MRPL43: variants seen among roughly 807,000 people sequenced by gnomAD.
MRPL43 encodes the protein large ribosomal subunit protein mL43.
Under a neutral mutation model 12.7 loss-of-function variants are expected in MRPL43, and 9 were observed. The observed-to-expected ratio is 0.71, with a 90% CI of 0.43 to 1.24. The LOEUF is 1.24. Among genes scored for constraint, MRPL43 ranks in the 50% most tolerant of loss-of-function variants. The pLI is 0.00. For missense variants in MRPL43, 211 were observed against 229.2 expected, an observed-to-expected ratio of 0.92 and a Z score of 0.51; for synonymous variants, 116 against 96.4, an observed-to-expected ratio of 1.20 and a Z score of -1.19.
chr10:100,984,965 A>G, downstream of MRPL43: 1 of 1,400,242 alleles, frequency 7.1e-7, no homozygotes, highest in South Asian at 1.5e-5. Context: ...ACATGTGCTT[A>G]CATTTCCACT....
At chr10:100,983,433 C>A (rs1355476316), downstream of MRPL43, 3 of 1,613,684 alleles carry the variant, frequency 1.9e-6, no homozygotes, top group Non-Finnish European at 2.5e-6. Flanking sequence ...GAGCGATGGG[C>A]AGGGTGGCTA....
chr10:100,983,800 C>G (rs1228303776), downstream of MRPL43: 1 of 1,605,624 alleles, frequency 6.2e-7, no homozygotes, highest in Non-Finnish European at 8.5e-7. Flanking sequence ...CAACTGCAGA[C>G]AGTCTCAGGC....
downstream of MRPL43, chr10:100,978,726 C>T (rs558479931): frequency 1.7e-5 from 27 of 1,555,464 alleles, 3 homozygotes; most frequent in Admixed American, 2.3e-4. Flanking sequence ...ACCCCACCCC[C>T]AAATCCCCAG....
At chr10:100,984,364 G>T, downstream of MRPL43, 1 of 1,444,854 alleles carries the variant, frequency 6.9e-7, no homozygotes, top group Non-Finnish European at 9.1e-7. Context: ...AGAGGTAGGT[G>T]CTCCCTCAGG....
downstream of MRPL43, chr10:100,979,868 C>T (rs758200614): frequency 1.2e-6 from 2 of 1,613,900 alleles, no homozygotes; most frequent in Non-Finnish European, 1.7e-6. Context: ...GAGGCCTCAG[C>T]CATCTGCCGC....
chr10:100,986,455 T>C lies in MRPL43; in HGVS notation c.*279A>G. On this transcript the variant is annotated 3_prime_UTR_variant, in exon 3 of 3. Transcript: ENST00000318364. ...TGTTTTGAGATCATTATTATCAATT[T>C]GGATTTAAAAAACAAGGGCCCTGTA... 4 of 1,528,136 alleles carry C rather than the reference T, an allele frequency of 2.6e-6. No individual in the cohort carries two copies. The highest frequency in any genetic ancestry group is 1.2e-5 in the South Asian group (1 of 80,500). 94.7% of individuals were successfully genotyped at this position (1,528,136 alleles called of 1,614,324 possible).
downstream of MRPL43, chr10:100,983,850 G>T: frequency 6.3e-7 from 1 of 1,590,150 alleles, no homozygotes; most frequent in Admixed American, 1.8e-5. Flanking sequence ...TGATGAGGGG[G>T]CTGGGGGCCT....
rs1481902885 is a variant in MRPL43, at chr10:100,986,810, T to C, written c.404A>G (p.Asn135Ser). Residue 135 changes from asparagine (N) to serine (S), a missense_variant, in exon 3 of 3, where the codon AAC becomes AGC. By Grantham distance (46) the Asn-to-Ser change is conservative. Transcript: ENST00000318364. ...TAGCCCGCGGAACGTGGTCGGCTTGTTGGTGAAGGGGTGCCACTGGCCCTG... is the reference window on the plus strand; with the variant it reads ...TAGCCCGCGGAACGTGGTCGGCTTGCTGGTGAAGGGGTGCCACTGGCCCTG... ...SIQGQWHPFTNKPTTFRGLRP... is the reference protein window; with the variant it reads ...SIQGQWHPFTSKPTTFRGLRP... 12 of 1,613,858 alleles carry C rather than the reference T, an allele frequency of 7.4e-6. No homozygotes were observed. The highest frequency in any genetic ancestry group is 1.0e-5 in the Non-Finnish European group (12 of 1,180,020).
chr10:100,981,094 A>G (rs768790370), downstream of MRPL43: 14 of 1,607,854 alleles, frequency 8.7e-6, no homozygotes, highest in Middle Eastern at 1.6e-4. Flanking sequence ...TATTAGTAAC[A>G]GACCTATCTA....
downstream of MRPL43, chr10:100,977,892 A>G (rs962021753): frequency 9.6e-6 from 6 of 622,524 alleles, no homozygotes; most frequent in African/African-American, 1.8e-5. Flanking sequence ...GCACTGGAGA[A>G]CCATTCCCCT....
At position 100,986,934 on chromosome 10, in the gene MRPL43, C is replaced by CCAGT; in HGVS notation, c.279_280insACTG (p.Val94ThrfsTer33). 6.2e-7 allele frequency: 1 copy of CCAGT among 1,609,378 alleles called. No individual in the cohort carries two copies. Among genetic ancestry groups the CCAGT allele is most frequent in the Non-Finnish European group, 8.5e-7 (1 of 1,180,010 alleles). The stretch of plus-strand genomic sequence containing the variant: ...TGCACCAGCGTCGAGATCTCCTCGA[C>CCAGT]CGACTTGCAGTGGATGCTCTCCTCG... On this transcript the variant is annotated frameshift_variant, in exon 3 of 3. Transcript: ENST00000318364. LOFTEE classifies it high-confidence loss of function.
At chr10:100,980,508 T>G, downstream of MRPL43, 1 of 1,438,704 alleles carries the variant, frequency 7.0e-7, no homozygotes. Flanking sequence ...CTGTTCGTAT[T>G]AGGCCTCTTG....
downstream of MRPL43, chr10:100,984,607 C>G: frequency 6.5e-7 from 1 of 1,536,248 alleles, no homozygotes; most frequent in Non-Finnish European, 8.7e-7. Flanking sequence ...TGCGTACATT[C>G]ACATGCACAC....
chr10:100,978,695 T>C (rs1850912112), downstream of MRPL43: 1 of 1,579,788 alleles, frequency 6.3e-7, no homozygotes, highest in African/African-American at 1.4e-5. Flanking sequence ...TCTTCATTTT[T>C]ACTCCCTTGG....
At chr10:100,978,172 G>A, downstream of MRPL43, 1 of 648,008 alleles carries the variant, frequency 1.5e-6, no homozygotes. Context: ...GCTGTCAGGT[G>A]CATCTGCCAT....
At chr10:100,984,824 T>C (rs1851350086), downstream of MRPL43, 1 of 1,523,558 alleles carries the variant, frequency 6.6e-7, no homozygotes, top group Non-Finnish European at 8.8e-7. Flanking sequence ...ATCACTCCCC[T>C]CCTCTCCCTT....
At chr10:100,978,478 C>G, downstream of MRPL43, 1 of 1,595,448 alleles carries the variant, frequency 6.3e-7, no homozygotes, top group Non-Finnish European at 8.6e-7. Context: ...ATGTCATGTG[C>G]CCTGTTGAAT....
chr10:100,981,015 G>A (rs1851044787), downstream of MRPL43: 6 of 1,593,110 alleles, frequency 3.8e-6, no homozygotes, highest in Non-Finnish European at 5.1e-6. Context: ...GTGGTGGGGG[G>A]TGACAGTCAC....
chr10:100,985,699 T>C (rs544610591), downstream of MRPL43: 1 of 152,652 alleles, frequency 6.6e-6, no homozygotes, highest in Non-Finnish European at 1.5e-5. Flanking sequence ...GAAGGTGATA[T>C]CTGCCTCCAG....
Sources: allele counts gnomAD v4.1 joint callset, GRCh38; gene constraint gnomAD v4.1.1; transcripts MANE v1.5; gene names NCBI Gene and HGNC (gene_info 2026-07-23, HGNC 2026-07-21).